DYM: variants seen among roughly 807,000 people sequenced by gnomAD.
DYM encodes dyggve-Melchior-Clausen syndrome protein.
DYM carries 78 observed loss-of-function variants against 93.1 expected under a neutral mutation model. The observed-to-expected ratio is 0.84, with a 90% CI of 0.70 to 1.01. The LOEUF (loss-of-function observed/expected upper bound fraction) is 1.01, where lower values mean the gene tolerates loss of function less well. Among genes scored for constraint, DYM ranks in the 50% least tolerant of loss-of-function variants. DYM has a pLI of 0.00. For synonymous variants in DYM, 321 were observed against 319.7 expected (o/e 1.00, Z -0.04); for missense variants, 789 against 845.0 (o/e 0.93, Z 0.82).
At chr18:49,418,861 T>G (rs2073310473) in intron 2 of DYM, among the ~76,000 whole-genome samples, 2 of 152,048 alleles carry the variant, frequency 1.3e-5, no homozygotes, top group South Asian at 4.1e-4. Flanking sequence ...AGCAGGGCAG[T>G]GCCAAAGAGA....
chr18:49,269,558 G>A (rs1291115378), intron 11 of DYM, among the ~76,000 whole-genome samples: 1 of 152,116 alleles, frequency 6.6e-6, no homozygotes, highest in Non-Finnish European at 1.5e-5. Context: ...CAGAGAGTCC[G>A]TCGACAGACA....
intron 15 of DYM, among the ~76,000 whole-genome samples, chr18:49,125,186 G>A (rs2082699016): frequency 6.6e-6 from 1 of 152,164 alleles, no homozygotes; most frequent in African/African-American, 2.4e-5. Context: ...CTTGAACCCA[G>A]CAGGCGGAGG....
chr18:49,066,195 T>A (rs2144753975), intron 17 of DYM, among the ~76,000 whole-genome samples: 1 of 151,712 alleles, frequency 6.6e-6, no homozygotes, highest in Non-Finnish European at 1.5e-5. Context: ...ACTTATGGAA[T>A]TACTGCTCCA....
chr18:49,260,414 G>A (rs1437330247), intron 11 of DYM, among the ~76,000 whole-genome samples: 2 of 152,190 alleles, frequency 1.3e-5, no homozygotes, highest in Non-Finnish European at 2.9e-5. Context: ...GGACCAAACT[G>A]AGAAGTTCTC....
At chr18:49,065,836 A>G (rs1029856705) in intron 17 of DYM, among the ~76,000 whole-genome samples, 1 of 152,192 alleles carries the variant, frequency 6.6e-6, no homozygotes, top group Non-Finnish European at 1.5e-5. Context: ...TGAGGGGCAT[A>G]GATCACATCT....
At chr18:49,112,673 A>C (rs2081531356) in intron 16 of DYM, among the ~76,000 whole-genome samples, 1 of 152,118 alleles carries the variant, frequency 6.6e-6, no homozygotes, top group South Asian at 2.1e-4. Flanking sequence ...TTAGTAGTAA[A>C]TTTACTGAGG....
chr18:49,057,100 T>G (rs2144550170), intron 17 of DYM, among the ~76,000 whole-genome samples: 1 of 152,376 alleles, frequency 6.6e-6, no homozygotes, highest in Non-Finnish European at 1.5e-5. Flanking sequence ...AAATAGGGTC[T>G]TGATCTGGCC....
chr18:49,158,015 T>C (rs1245667678), intron 15 of DYM, among the ~76,000 whole-genome samples: 2 of 152,304 alleles, frequency 1.3e-5, no homozygotes, highest in East Asian at 3.9e-4. Context: ...AACAACTCAG[T>C]GACAATGACA....
intron 11 of DYM, among the ~76,000 whole-genome samples, chr18:49,269,415 T>C (rs901094532): frequency 5.3e-5 from 8 of 152,034 alleles, no homozygotes; most frequent in Non-Finnish European, 5.9e-5. Flanking sequence ...CTTAAAGAAA[T>C]TAAAAATAGA....
intron 16 of DYM, 29 bp downstream of exon 16, chr18:49,118,715 T>C: frequency 6.3e-7 from 1 of 1,589,878 alleles, no homozygotes; most frequent in Non-Finnish European, 8.6e-7. Context: ...TAAAAAAGAA[T>C]CATAATAAAT....
chr18:49,337,193 C>A (rs904373783), intron 6 of DYM, among the ~76,000 whole-genome samples: 9 of 152,146 alleles, frequency 5.9e-5, no homozygotes, highest in Non-Finnish European at 1.3e-4. Flanking sequence ...TTCATAAGCA[C>A]AAATGGAATA....
At chr18:49,383,685 T>C (rs2068271754) in intron 3 of DYM, among the ~76,000 whole-genome samples, 1 of 152,230 alleles carries the variant, frequency 6.6e-6, no homozygotes, top group Non-Finnish European at 1.5e-5. Context: ...CAACATTGTA[T>C]AAACCAGATA....
At chr18:49,282,477 G>T (rs1381649137) in intron 9 of DYM, among the ~76,000 whole-genome samples, 1 of 152,162 alleles carries the variant, frequency 6.6e-6, no homozygotes, top group Non-Finnish European at 1.5e-5. Flanking sequence ...GCCAGGCATG[G>T]TGGCGTGGGC....
At chr18:49,121,726 T>C (rs1346008822) in intron 15 of DYM, among the ~76,000 whole-genome samples, 1 of 152,076 alleles carries the variant, frequency 6.6e-6, no homozygotes. Flanking sequence ...AAGATAAGAA[T>C]CACAGCTGAC....
In DYM at chr18:49,067,816, G is replaced by A. The variant is rs549279697; in HGVS notation, c.2026-23612C>T. 7.3e-4 allele frequency among the ~76,000 whole-genome samples: 111 copies of A among 152,184 alleles called. 2 individuals carry two copies. Among genetic ancestry groups the A allele is most frequent in the African/African-American group, 2.6e-3 (110 of 41,522 alleles). On this transcript the variant is annotated intron_variant, in intron 17 of 17. Transcript: ENST00000675505. Reference sequence around the variant, plus strand: ...CATGAAAGTAGAACTCAAAAAGACAGTTCTAAAAATATTTATGGTACTAGA... The same window carrying A: ...CATGAAAGTAGAACTCAAAAAGACAATTCTAAAAATATTTATGGTACTAGA...
intron 13 of DYM, among the ~76,000 whole-genome samples, chr18:49,216,723 G>A (rs925193574): frequency 1.3e-5 from 2 of 152,122 alleles, no homozygotes; most frequent in Non-Finnish European, 2.9e-5. Flanking sequence ...CTAACAAACA[G>A]AAAGGACATC....
intron 9 of DYM, among the ~76,000 whole-genome samples, chr18:49,285,976 C>G (rs1373668214): frequency 6.6e-6 from 1 of 152,098 alleles, no homozygotes; most frequent in Admixed American, 6.6e-5. Context: ...TAACAGACTG[C>G]AGGAGAGACC....
rs771325793 is a variant in DYM, at chr18:49,040,223, TTAAG to T, written c.*3828_*3831del. On this transcript the variant is annotated 3_prime_UTR_variant, in exon 18 of 18. Coordinates refer to ENST00000675505, the MANE Select transcript of DYM (RefSeq NM_001353214.3). ...AAGGACCCCAGAGTCAACAAGATAG[TTAAG>T]TATTACTTGTCCAGTTCTATGGGGC... Among the ~76,000 whole-genome samples, 1 of 152,182 alleles carries T rather than the reference TTAAG, an allele frequency of 6.6e-6. No individual in the cohort carries two copies. The highest frequency in any genetic ancestry group is 2.4e-5 in the African/African-American group (1 of 41,426).
intron 8 of DYM, among the ~76,000 whole-genome samples, chr18:49,327,989 G>T (rs1379640873): frequency 6.6e-6 from 1 of 152,132 alleles, no homozygotes; most frequent in East Asian, 1.9e-4. Flanking sequence ...AAAGGCTCAG[G>T]GGTCTGATGA....
Sources: gnomAD v4.1 joint callset for allele counts (sites outside exome capture counted in the v4.1 genomes callset) on GRCh38, gnomAD v4.1.1 for gene constraint, MANE v1.5 for transcripts, NCBI Gene and HGNC (gene_info 2026-07-23, HGNC 2026-07-21) for gene names.